Variants in PIK3C2G observed in about 807,000 individuals in gnomAD.
The protein encoded by PIK3C2G is phosphatidylinositol 3-kinase C2 domain-containing subunit gamma.
A neutral mutation model predicts 181.1 loss-of-function variants in PIK3C2G; 168 were observed. The ratio of observed to expected loss-of-function variants is 0.93; its 90% CI spans 0.82 to 1.05. The LOEUF (loss-of-function observed/expected upper bound fraction) is 1.05. Ranked by LOEUF, PIK3C2G falls within the 50% of genes least tolerant of loss-of-function variation. The probability of loss-of-function intolerance (pLI) is 0.00; values close to 1 mark genes in which losing one functional copy is unlikely to be tolerated. For synonymous variants in PIK3C2G, 573 were observed against 592.2 expected (o/e 0.97, Z 0.47); for missense variants, 1,869 against 1,732.8 (o/e 1.08, Z -1.40).
intron 26 of PIK3C2G, among the ~76,000 whole-genome samples, chr12:18,558,442 ATTAAG>A (rs1328461808): frequency 6.6e-6 from 1 of 152,212 alleles, no homozygotes. Flanking sequence ...AAAATATATT[ATTAAG>A]TTAACAAAAA....
At chr12:18,259,345 C>T (rs985189415), upstream of PIK3C2G, among the ~76,000 whole-genome samples, 2 of 152,044 alleles carry the variant, frequency 1.3e-5, no homozygotes, top group African/African-American at 2.4e-5. Flanking sequence ...TAGCCAGCTT[C>T]GGGGTCTGGG....
Position 18,491,560 on chromosome 12 carries a change from TA to T in PIK3C2G, c.2793+4del. On this transcript the variant is annotated splice_donor_region_variant and intron_variant, in intron 20 of 32. Transcript: ENST00000538779. ...TGTATAAAAGGGATTGATCACGATG[TA>T]AGTCAACTTATTCCTCAGATTAATG... 1 of 1,443,998 alleles carries T rather than the reference TA, an allele frequency of 6.9e-7. No individual in the cohort carries two copies. Among genetic ancestry groups the T allele is most frequent in the Non-Finnish European group, 9.7e-7 (1 of 1,030,360 alleles). 89.4% of individuals were successfully genotyped at this position (1,443,998 alleles called of 1,614,324 possible). A position where few individuals can be genotyped will look rare whatever the true frequency, so the allele number is the denominator to read the frequency against.
chr12:18,701,634 TCC>T, the PIK3C2G span: 1 of 1,591,610 alleles, frequency 6.3e-7, no homozygotes. Context: ...CTCCTCCTCC[TCC>T]TCCTCCTCCT....
At chr12:18,701,383 G>A in the PIK3C2G span, 1 of 1,527,574 alleles carries the variant, frequency 6.5e-7, no homozygotes, top group East Asian at 2.3e-5. Flanking sequence ...GTAAATGATA[G>A]ACTAGAGTTT....
At chr12:18,537,130 G>A (rs1026532477) in intron 24 of PIK3C2G, among the ~76,000 whole-genome samples, 2 of 151,978 alleles carry the variant, frequency 1.3e-5, no homozygotes, top group Non-Finnish European at 1.5e-5. Context: ...CCACACTACT[G>A]AAAGGTCTCA....
upstream of PIK3C2G, among the ~76,000 whole-genome samples, chr12:18,261,202 C>T (rs1214909386): frequency 6.6e-6 from 1 of 152,028 alleles, no homozygotes; most frequent in Non-Finnish European, 1.5e-5. Flanking sequence ...GCATAATAAC[C>T]TTAGCTGTAA....
intron 5 of PIK3C2G, among the ~76,000 whole-genome samples, chr12:18,303,412 G>A (rs959545786): frequency 2.6e-5 from 4 of 151,474 alleles, no homozygotes; most frequent in East Asian, 1.9e-4. Context: ...TTGGCTCACC[G>A]CAACCCCAGC....
At chr12:18,577,216 C>T (rs1946274771) in intron 29 of PIK3C2G, among the ~76,000 whole-genome samples, 1 of 152,112 alleles carries the variant, frequency 6.6e-6, no homozygotes, top group Non-Finnish European at 1.5e-5. Context: ...GCCAGGCATG[C>T]ACAGGCAGAG....
intron 26 of PIK3C2G, among the ~76,000 whole-genome samples, chr12:18,558,355 TAGAA>T (rs1565505387): frequency 6.6e-6 from 1 of 152,208 alleles, no homozygotes. Context: ...TGTTCTGAAT[TAGAA>T]AGATTGTTCA....
chr12:18,711,537 T>C, the PIK3C2G span, among the ~76,000 whole-genome samples: 2 of 147,356 alleles, frequency 1.4e-5, 1 homozygote, highest in African/African-American at 5.1e-5. Context: ...AGTATAATAA[T>C]AATAATAATA....
At chr12:18,644,185 T>C (rs896502189) in intron 32 of PIK3C2G, among the ~76,000 whole-genome samples, 4 of 151,964 alleles carry the variant, frequency 2.6e-5, no homozygotes, top group Admixed American at 1.3e-4. Flanking sequence ...ATCAGCAGTC[T>C]CCCTGAAAAC....
At chr12:18,356,312 G>C (rs899857697) in intron 11 of PIK3C2G, among the ~76,000 whole-genome samples, 5 of 152,262 alleles carry the variant, frequency 3.3e-5, no homozygotes, top group South Asian at 4.1e-4. Context: ...TCATGAAGGG[G>C]TTGGCTCATT....
intron 30 of PIK3C2G, among the ~76,000 whole-genome samples, chr12:18,602,746 C>G (rs1947802844): frequency 6.6e-6 from 1 of 152,166 alleles, no homozygotes; most frequent in South Asian, 2.1e-4. Flanking sequence ...GGTAGGCTCA[C>G]TGGGTGAATG....
At chr12:18,672,101 C>T in the PIK3C2G span, among the ~76,000 whole-genome samples, 3 of 152,182 alleles carry the variant, frequency 2.0e-5, no homozygotes, top group South Asian at 2.1e-4. Flanking sequence ...ACATTCAGAT[C>T]ATAGCAAAGA....
At chr12:18,560,352 C>T (rs1442695890) in intron 26 of PIK3C2G, among the ~76,000 whole-genome samples, 1 of 151,620 alleles carries the variant, frequency 6.6e-6, no homozygotes, top group African/African-American at 2.4e-5. Context: ...AAGACATGCC[C>T]ACCAAAAAGA....
At chr12:18,274,727 A>T (rs1409554215) in intron 1 of PIK3C2G, among the ~76,000 whole-genome samples, 1 of 152,180 alleles carries the variant, frequency 6.6e-6, no homozygotes, top group Admixed American at 6.5e-5. Context: ...TGGGTGCAGC[A>T]CACCAACATG....
chr12:18,718,036 G>A, the PIK3C2G span, among the ~76,000 whole-genome samples: 1 of 152,068 alleles, frequency 6.6e-6, no homozygotes, highest in Non-Finnish European at 1.5e-5. Context: ...GGTGTCCTGT[G>A]TTGCCAGTTT....
the PIK3C2G span, among the ~76,000 whole-genome samples, chr12:18,692,170 T>C: frequency 8.5e-5 from 13 of 152,088 alleles, no homozygotes; most frequent in Admixed American, 7.9e-4. Flanking sequence ...CACTAAGTAA[T>C]GACATTGCTG....
In PIK3C2G at chr12:18,467,968, C is replaced by T. The variant is rs148784210; in HGVS notation, c.2505-20481C>T. Among the ~76,000 whole-genome samples the T allele has an allele frequency of 2.0e-5, 3 of 152,048 alleles. No homozygotes were observed. In the East Asian group the frequency reaches 5.8e-4, roughly 29 times the overall value. ...CCCCTGAGTGGGCATTGTTTTAAAA[C>T]AAATTATAGGTAAAAATATGCACAG... On this transcript the variant is annotated intron_variant, in intron 18 of 32. Transcript: ENST00000538779.
Sources: allele counts gnomAD v4.1 joint callset (sites outside exome capture counted in the v4.1 genomes callset), GRCh38; gene constraint gnomAD v4.1.1; transcripts MANE v1.5; gene names NCBI Gene and HGNC (gene_info 2026-07-23, HGNC 2026-07-21).